The following PRELID2 variants were observed in gnomAD, a reference collection of about 807,000 sequenced individuals.
PRELID2 encodes PRELI domain containing 2, also known as PRELI domain-containing protein 2.
In PRELID2, 25 loss-of-function variants were observed where a neutral mutation model predicts 28.4. That is an observed-to-expected ratio of 0.88 (90% confidence interval 0.64 to 1.23). The LOEUF is 1.23. Among genes scored for constraint, PRELID2 ranks in the 50% most tolerant of loss-of-function variants. The probability of loss-of-function intolerance (pLI) is 0.00; values close to 1 mark genes in which losing one functional copy is unlikely to be tolerated. For missense variants in PRELID2, 201 were observed against 214.4 expected (o/e 0.94, Z 0.39); for synonymous variants, 76 against 71.6 (o/e 1.06, Z -0.31).
chr5:145,524,932 G>A (rs1415605438), intron 1 of PRELID2, among the ~76,000 whole-genome samples: 1 of 152,156 alleles, frequency 6.6e-6, no homozygotes, highest in Non-Finnish European at 1.5e-5. Context: ...CACGGCCTCT[G>A]TTACATAGGA....
At chr5:145,653,829 A>T (rs1214204035) in intron 1 of PRELID2, among the ~76,000 whole-genome samples, 1 of 152,244 alleles carries the variant, frequency 6.6e-6, no homozygotes, top group Non-Finnish European at 1.5e-5. Context: ...TAACATCACA[A>T]TTAAAAGAAT....
chr5:145,683,844 A>G (rs1754985143), intron 1 of PRELID2, among the ~76,000 whole-genome samples: 2 of 152,160 alleles, frequency 1.3e-5, no homozygotes, highest in Non-Finnish European at 2.9e-5. Flanking sequence ...GGCCAGTAGA[A>G]CGAGCTGCTG....
At chr5:145,505,200 A>G (rs879037849) in intron 1 of PRELID2, among the ~76,000 whole-genome samples, 7 of 152,200 alleles carry the variant, frequency 4.6e-5, no homozygotes, top group Non-Finnish European at 7.3e-5. Context: ...TCTGATCAAT[A>G]CTATTCATCA....
chr5:145,388,062 T>C, the PRELID2 span, among the ~76,000 whole-genome samples: 1 of 151,560 alleles, frequency 6.6e-6, no homozygotes, highest in Non-Finnish European at 1.5e-5. Context: ...TTAGTAAAAA[T>C]CAGAAAAGAA....
chr5:145,554,907 A>G (rs1204393914), intron 1 of PRELID2, among the ~76,000 whole-genome samples: 1 of 152,156 alleles, frequency 6.6e-6, no homozygotes, highest in African/African-American at 2.4e-5. Flanking sequence ...TGCTAAGAAG[A>G]GTTTTAGGCA....
chr5:145,799,598 G>C (rs1271491534), intron 4 of PRELID2, among the ~76,000 whole-genome samples: 1 of 152,188 alleles, frequency 6.6e-6, no homozygotes, highest in Admixed American at 6.5e-5. Flanking sequence ...TGAAGGAAGA[G>C]AGATGTCTGA....
At chr5:145,641,613 C>T (rs1754107658) in intron 1 of PRELID2, among the ~76,000 whole-genome samples, 1 of 152,190 alleles carries the variant, frequency 6.6e-6, no homozygotes, top group Admixed American at 6.5e-5. Flanking sequence ...CTGCACCCAT[C>T]AACCAATCTC....
chr5:145,492,783 G>A (rs1580957309), intron 1 of PRELID2, among the ~76,000 whole-genome samples: 2 of 140,900 alleles, frequency 1.4e-5, no homozygotes, highest in East Asian at 4.0e-4. Flanking sequence ...GCTGTTGTCG[G>A]CCCAGAAGTG....
chr5:145,449,142 G>A, the PRELID2 span, among the ~76,000 whole-genome samples: 2 of 152,106 alleles, frequency 1.3e-5, no homozygotes, highest in East Asian at 1.9e-4. Context: ...GAAAGCCCCA[G>A]AGGAAGGAGA....
At chr5:145,500,331 C>T (rs140183937) in intron 1 of PRELID2, among the ~76,000 whole-genome samples, 220 of 152,196 alleles carry the variant, frequency 1.4e-3, no homozygotes, top group African/African-American at 4.8e-3. Context: ...CCATGTAAGA[C>T]GTGCCTCCTT....
chr5:145,301,104 C>T, the PRELID2 span, among the ~76,000 whole-genome samples: 3 of 152,090 alleles, frequency 2.0e-5, no homozygotes, highest in East Asian at 5.8e-4. Context: ...ATTTTACATC[C>T]CCACTAGCAA....
Position 145,835,332 on chromosome 5 carries a change from C to A in PRELID2, c.-81G>T. 1.1e-6 allele frequency: 1 copy of A among 889,202 alleles called. No homozygotes were observed. Among genetic ancestry groups the A allele is most frequent in the Non-Finnish European group, 1.7e-6 (1 of 579,314 alleles). The allele number at this position is 889,202 out of a possible 1,614,324, so 55.1% of individuals were successfully genotyped here. A position where few individuals can be genotyped will look rare whatever the true frequency, so the allele number is the denominator to read the frequency against. ...CCAGGGCTCCGCAGAGGCCCGGAGG[C>A]GCCCACACTCGGACAGCCACATGGG... On this transcript the variant is annotated 5_prime_UTR_variant, in exon 1 of 7. Transcript: ENST00000683046.
downstream of PRELID2, among the ~76,000 whole-genome samples, chr5:145,751,589 C>T (rs1039315048): frequency 2.0e-5 from 3 of 152,178 alleles, no homozygotes; most frequent in African/African-American, 7.2e-5. Flanking sequence ...TAAAAATTAA[C>T]AATCCATTCC....
intron 3 of PRELID2, 155 bp downstream of exon 3, chr5:145,819,790 T>C (rs1273356680): frequency 3.1e-6 from 2 of 637,294 alleles, no homozygotes; most frequent in South Asian, 2.0e-5. Context: ...AAAAGTGAGG[T>C]TGGATAAGAA....
At chr5:145,442,868 G>C in the PRELID2 span, among the ~76,000 whole-genome samples, 25 of 152,084 alleles carry the variant, frequency 1.6e-4, no homozygotes, top group African/African-American at 6.0e-4. Flanking sequence ...ATGGAAACAG[G>C]ACATGAAGCT....
chr5:145,513,654 G>C (rs1752485939), intron 1 of PRELID2, among the ~76,000 whole-genome samples: 1 of 152,060 alleles, frequency 6.6e-6, no homozygotes, highest in African/African-American at 2.4e-5. Flanking sequence ...ACACCACGAA[G>C]ATACTCTTCA....
intron 5 of PRELID2, among the ~76,000 whole-genome samples, chr5:145,771,056 G>A (rs906195313): frequency 3.3e-5 from 5 of 151,894 alleles, no homozygotes; most frequent in African/African-American, 7.3e-5. Context: ...TTACTGACTC[G>A]CCCACCCAGA....
At chr5:145,659,660 G>T (rs1042191738) in intron 1 of PRELID2, among the ~76,000 whole-genome samples, 3 of 152,180 alleles carry the variant, frequency 2.0e-5, no homozygotes, top group Non-Finnish European at 2.9e-5. Flanking sequence ...TCCGTCACTT[G>T]TACTTACCCT....
the PRELID2 span, among the ~76,000 whole-genome samples, chr5:145,236,692 C>T: frequency 4.6e-5 from 7 of 152,070 alleles, no homozygotes; most frequent in Non-Finnish European, 8.8e-5. Context: ...CAGAAATTTA[C>T]CTTATCTCAT....
Sources: gnomAD v4.1 joint callset for allele counts (sites outside exome capture counted in the v4.1 genomes callset) on GRCh38, gnomAD v4.1.1 for gene constraint, MANE v1.5 for transcripts, NCBI Gene and HGNC (gene_info 2026-07-23, HGNC 2026-07-21) for gene names.